Variants in PTPRD observed in about 807,000 individuals in gnomAD.
PTPRD encodes receptor-type tyrosine-protein phosphatase delta.
In PTPRD, 34 loss-of-function variants were observed where a neutral mutation model predicts 214.5. The ratio of observed to expected loss-of-function variants is 0.16; its 90% CI spans 0.12 to 0.21. The LOEUF (loss-of-function observed/expected upper bound fraction) is 0.21. Ranked by LOEUF, PTPRD falls within the 10% of genes least tolerant of loss-of-function variation. The pLI, the probability that PTPRD is intolerant of heterozygous loss-of-function variation, is 1.00. For missense variants in PTPRD, 2,545 were observed against 2,398.7 expected (o/e 1.06, Z -1.27); for synonymous variants, 1,128 against 845.7 (o/e 1.33, Z -5.79).
intron 11 of PTPRD, among the ~76,000 whole-genome samples, chr9:9,001,334 G>C (rs117966763): frequency 6.6e-6 from 1 of 151,884 alleles, no homozygotes; most frequent in Non-Finnish European, 1.5e-5. Context: ...ATTACTTTTC[G>C]TCTTGTATGG....
At chr9:10,094,570 A>C (rs1035060200) in intron 3 of PTPRD, among the ~76,000 whole-genome samples, 6 of 138,886 alleles carry the variant, frequency 4.3e-5, no homozygotes, top group Non-Finnish European at 4.6e-5. Context: ...AATGGGGCAG[A>C]GTAACTGTTC....
intron 3 of PTPRD, among the ~76,000 whole-genome samples, chr9:10,154,457 T>C (rs2099081259): frequency 6.6e-6 from 1 of 152,160 alleles, no homozygotes; most frequent in African/African-American, 2.4e-5. Context: ...GCAGAAGTTA[T>C]TTAGTTTAAT....
chr9:10,438,251 T>C (rs2098735434), intron 2 of PTPRD, among the ~76,000 whole-genome samples: 2 of 151,560 alleles, frequency 1.3e-5, no homozygotes, highest in South Asian at 2.1e-4. Flanking sequence ...GTCTAATTAA[T>C]GATGGAGGTA....
intron 6 of PTPRD, among the ~76,000 whole-genome samples, chr9:9,744,292 TTAGAG>T (rs2098437096): frequency 6.6e-6 from 1 of 152,160 alleles, no homozygotes; most frequent in Admixed American, 6.6e-5. Flanking sequence ...ATGAGTCGTT[TTAGAG>T]TAGAGTGGCT....
intron 11 of PTPRD, among the ~76,000 whole-genome samples, chr9:8,954,627 G>A (rs944382661): frequency 6.6e-6 from 1 of 151,856 alleles, no homozygotes; most frequent in Non-Finnish European, 1.5e-5. Context: ...GCTGTGGAGA[G>A]CTGTTCCAAT....
intron 7 of PTPRD, among the ~76,000 whole-genome samples, chr9:9,694,487 A>G (rs1281523201): frequency 2.6e-5 from 4 of 152,008 alleles, no homozygotes; most frequent in Non-Finnish European, 5.9e-5. Flanking sequence ...CACCACCACC[A>G]GGACTGTGCT....
chr9:8,828,480 G>C (rs1566419156), intron 11 of PTPRD, among the ~76,000 whole-genome samples: 1 of 152,122 alleles, frequency 6.6e-6, no homozygotes, highest in African/African-American at 2.4e-5. Flanking sequence ...CTTGATCTTG[G>C]ACTTCTGGCC....
chr9:10,045,208 C>G (rs974681728), intron 3 of PTPRD, among the ~76,000 whole-genome samples: 1 of 151,666 alleles, frequency 6.6e-6, no homozygotes, highest in Non-Finnish European at 1.5e-5. Context: ...AGTAGTATCC[C>G]TTTATTAACA....
At chr9:8,345,717 C>G (rs928536646) in intron 39 of PTPRD, among the ~76,000 whole-genome samples, 3 of 152,046 alleles carry the variant, frequency 2.0e-5, no homozygotes, top group Admixed American at 6.6e-5. Context: ...GGGTAGAATT[C>G]CTACCACGTT....
intron 10 of PTPRD, among the ~76,000 whole-genome samples, chr9:9,064,949 T>C (rs774432266): frequency 7.2e-5 from 11 of 152,214 alleles, no homozygotes; most frequent in African/African-American, 2.2e-4. Context: ...GGAGGAGTCA[T>C]TGAATTTCCT....
intron 30 of PTPRD, among the ~76,000 whole-genome samples, chr9:8,480,867 G>A (rs953951074): frequency 2.6e-5 from 4 of 152,056 alleles, no homozygotes; most frequent in African/African-American, 9.7e-5. Context: ...AGGGCCGGGC[G>A]CCGTGGCTCA....
chr9:8,987,167 GATATTTATTAT>G (rs1403837618), intron 11 of PTPRD, among the ~76,000 whole-genome samples: 11 of 151,996 alleles, frequency 7.2e-5, no homozygotes, highest in Non-Finnish European at 1.3e-4. Context: ...TCACAGGAAA[GATATTTATTAT>G]ATATTTATTT....
At chr9:9,564,451 T>A (rs912406219) in intron 8 of PTPRD, among the ~76,000 whole-genome samples, 1 of 152,122 alleles carries the variant, frequency 6.6e-6, no homozygotes, top group African/African-American at 2.4e-5. Context: ...ATTTATATTT[T>A]AAAAATTTCT....
At chr9:8,879,062 G>C (rs2098419808) in intron 11 of PTPRD, among the ~76,000 whole-genome samples, 1 of 152,182 alleles carries the variant, frequency 6.6e-6, no homozygotes, top group Non-Finnish European at 1.5e-5. Flanking sequence ...GAATGGAATA[G>C]TAGGCCTAAG....
At chr9:9,638,031 T>G (rs1593786627) in intron 7 of PTPRD, among the ~76,000 whole-genome samples, 1 of 152,184 alleles carries the variant, frequency 6.6e-6, no homozygotes, top group African/African-American at 2.4e-5. Flanking sequence ...TAGGAGGGAA[T>G]ACCTCAAAGT....
intron 3 of PTPRD, among the ~76,000 whole-genome samples, chr9:10,306,404 C>T (rs1029370246): frequency 6.6e-6 from 1 of 151,774 alleles, no homozygotes; most frequent in African/African-American, 2.4e-5. Context: ...GCACATGTAC[C>T]CCAAAACTTA....
chr9:10,376,308 G>C (rs1029544281), intron 2 of PTPRD, among the ~76,000 whole-genome samples: 1 of 151,264 alleles, frequency 6.6e-6, no homozygotes, highest in Non-Finnish European at 1.5e-5. Context: ...CAGCTACTGT[G>C]GACTATCCTG....
At chr9:10,299,864 T>G (rs1370380505) in intron 3 of PTPRD, among the ~76,000 whole-genome samples, 1 of 152,196 alleles carries the variant, frequency 6.6e-6, no homozygotes, top group East Asian at 1.9e-4. Flanking sequence ...TTTTTCCCAT[T>G]AAATATATTA....
chr9:9,767,005 CTTTT>C (rs58414208), intron 5 of PTPRD, among the ~76,000 whole-genome samples, 154 bp from the exon 6 acceptor site: 1 of 148,022 alleles, frequency 6.8e-6, no homozygotes, highest in African/African-American at 2.5e-5. Flanking sequence ...GATGTCTTAT[CTTTT>C]TTTTTTAATT....
Sources: gnomAD v4.1 joint callset for allele counts (sites outside exome capture counted in the v4.1 genomes callset) on GRCh38, gnomAD v4.1.1 for gene constraint, MANE v1.5 for transcripts, NCBI Gene and HGNC (gene_info 2026-07-23, HGNC 2026-07-21) for gene names.